VAV3: variants seen among roughly 807,000 people sequenced by gnomAD.
VAV3 encodes the protein vav guanine nucleotide exchange factor 3, also known as guanine nucleotide exchange factor VAV3.
Under a neutral mutation model 131.2 loss-of-function variants are expected in VAV3, and 94 were observed. The ratio of observed to expected loss-of-function variants is 0.72; its 90% CI spans 0.61 to 0.85. The LOEUF (loss-of-function observed/expected upper bound fraction) is 0.85. Among genes scored for constraint, VAV3 ranks in the 40% least tolerant of loss-of-function variants. The probability of loss-of-function intolerance (pLI) is 0.00; values close to 1 mark genes in which losing one functional copy is unlikely to be tolerated. For synonymous variants in VAV3, 349 were observed against 342.0 expected (o/e 1.02, Z -0.22); for missense variants, 939 against 1,002.7 (o/e 0.94, Z 0.86).
chr1:107,745,830 A>G (rs1486201967), intron 15 of VAV3, among the ~76,000 whole-genome samples: 1 of 152,122 alleles, frequency 6.6e-6, no homozygotes, highest in Non-Finnish European at 1.5e-5. Flanking sequence ...AGCTCCCTTG[A>G]TTTCCCTCCA....
At chr1:107,820,661 G>C (rs949956763) in intron 2 of VAV3, 2 of 152,104 alleles carry the variant, frequency 1.3e-5, no homozygotes, top group East Asian at 3.9e-4. Context: ...TGAGTCGACA[G>C]ATGCCCCATT....
At chr1:107,922,747 T>G (rs1672962613) in intron 1 of VAV3, among the ~76,000 whole-genome samples, 1 of 150,466 alleles carries the variant, frequency 6.6e-6, no homozygotes, top group South Asian at 2.1e-4. Context: ...GGTCAGGAGA[T>G]CGAGACCATC....
intron 2 of VAV3, among the ~76,000 whole-genome samples, chr1:107,857,071 A>G (rs894769330): frequency 6.6e-6 from 1 of 152,178 alleles, no homozygotes. Context: ...TGAAGGATGC[A>G]AAGTTTTCCT....
chr1:107,868,163 T>C (rs1670088966), intron 2 of VAV3, among the ~76,000 whole-genome samples: 3 of 152,120 alleles, frequency 2.0e-5, no homozygotes, highest in Non-Finnish European at 2.9e-5. Context: ...CTGATTTAAG[T>C]CCCATGGATG....
rs1432016952 is a variant in VAV3 at position 107,728,588 on chromosome 1, T to TGTATACGTATACGTATACGTATAC, written c.1502+20379_1502+20380insGTATACGTATACGTATACGTATAC. Among the ~76,000 whole-genome samples the TGTATACGTATACGTATACGTATAC allele has an allele frequency of 4.5e-3, 523 of 115,826 alleles. 6 individuals are homozygous for TGTATACGTATACGTATACGTATAC. Among genetic ancestry groups the TGTATACGTATACGTATACGTATAC allele is most frequent in the East Asian group, 0.02 (80 of 4,080 alleles). 76.0% of individuals were successfully genotyped at this position (115,826 alleles called of 152,430 possible). On this transcript the variant is annotated intron_variant, in intron 15 of 26. Transcript: ENST00000370056. ...AAAAATCTTCATGAGGACAGTCATATGTATACGTATACGTATATGTATATG... is the reference window on the plus strand; with the variant it reads ...AAAAATCTTCATGAGGACAGTCATATGTATACGTATACGTATACGTATACGTATACGTATACGTATATGTATATG...
At chr1:107,662,690 T>C (rs1328240878) in intron 19 of VAV3, among the ~76,000 whole-genome samples, 1 of 152,186 alleles carries the variant, frequency 6.6e-6, no homozygotes, top group Admixed American at 6.5e-5. Flanking sequence ...ACTAACCAAA[T>C]GAAAGCTCTG....
chr1:107,900,321 T>C (rs1201371681), intron 1 of VAV3, among the ~76,000 whole-genome samples: 2 of 152,196 alleles, frequency 1.3e-5, no homozygotes, highest in African/African-American at 2.4e-5. Flanking sequence ...GTTACCTTTA[T>C]GCACCCCTTA....
intron 1 of VAV3, among the ~76,000 whole-genome samples, chr1:107,905,623 G>A (rs1672068808): frequency 6.6e-6 from 1 of 152,062 alleles, no homozygotes; most frequent in African/African-American, 2.4e-5. Flanking sequence ...ACAAAGACAT[G>A]GGAAATACTT....
chr1:107,820,694 C>T (rs1667761486), intron 2 of VAV3: 1 of 151,982 alleles, frequency 6.6e-6, no homozygotes, highest in South Asian at 2.1e-4. Context: ...ATTATTAAGC[C>T]TTATAGGTCT....
intron 2 of VAV3, among the ~76,000 whole-genome samples, chr1:107,798,932 C>A (rs1666695170): frequency 6.6e-6 from 1 of 151,748 alleles, no homozygotes; most frequent in Non-Finnish European, 1.5e-5. Flanking sequence ...GTACAACAAG[C>A]AGAAATGATT....
At chr1:107,591,209 C>T (rs1650925182) in intron 25 of VAV3, among the ~76,000 whole-genome samples, 1 of 152,134 alleles carries the variant, frequency 6.6e-6, no homozygotes, top group Non-Finnish European at 1.5e-5. Context: ...TTCTCTGACC[C>T]TGAAGGCTAA....
chr1:107,740,818 T>G (rs1227886308), intron 15 of VAV3, among the ~76,000 whole-genome samples: 1 of 152,234 alleles, frequency 6.6e-6, no homozygotes, highest in South Asian at 2.1e-4. Context: ...TATGTGAATC[T>G]ATGGCTGCAT....
At chr1:107,595,080 A>G (rs2101065922) in intron 25 of VAV3, among the ~76,000 whole-genome samples, 1 of 152,284 alleles carries the variant, frequency 6.6e-6, no homozygotes, top group Non-Finnish European at 1.5e-5. Flanking sequence ...TGCCTATTTG[A>G]GAATCTAAAA....
chr1:107,767,424 G>A (rs1311821804), intron 7 of VAV3, among the ~76,000 whole-genome samples: 3 of 152,086 alleles, frequency 2.0e-5, no homozygotes, highest in Admixed American at 6.5e-5. Context: ...ATGAAGATGT[G>A]GGCTCTAAGT....
At chr1:107,894,012 A>C (rs1206956747) in intron 1 of VAV3, among the ~76,000 whole-genome samples, 2 of 152,316 alleles carry the variant, frequency 1.3e-5, no homozygotes, top group Non-Finnish European at 2.9e-5. Flanking sequence ...TGGCATGTGA[A>C]GGTAAGTAGC....
At chr1:107,871,799 C>A (rs1364044145) in intron 2 of VAV3, among the ~76,000 whole-genome samples, 2 of 152,058 alleles carry the variant, frequency 1.3e-5, no homozygotes, top group Non-Finnish European at 2.9e-5. Flanking sequence ...AGAGGGAGAG[C>A]TTGGACAAAG....
chr1:107,786,282 CT>C (rs756270221), intron 2 of VAV3, among the ~76,000 whole-genome samples: 13 of 152,040 alleles, frequency 8.6e-5, no homozygotes, highest in Non-Finnish European at 1.6e-4. Context: ...TTTTTTGAAT[CT>C]TCAAAAGTGA....
chr1:107,749,163 C>T (rs2102057349), intron 14 of VAV3, 86 bp from the exon 15 acceptor site: 2 of 1,011,776 alleles, frequency 2.0e-6, no homozygotes, highest in East Asian at 5.2e-5. Context: ...TATCCAAAAA[C>T]TCCTCACAAT....
intron 1 of VAV3, among the ~76,000 whole-genome samples, chr1:107,908,678 G>C (rs931195071): frequency 5.9e-5 from 9 of 152,022 alleles, no homozygotes; most frequent in Non-Finnish European, 1.2e-4. Flanking sequence ...TTCATTACTT[G>C]TTTTCCATGT....
Sources: gnomAD v4.1 joint callset for allele counts (sites outside exome capture counted in the v4.1 genomes callset) on GRCh38, gnomAD v4.1.1 for gene constraint, MANE v1.5 for transcripts, NCBI Gene and HGNC (gene_info 2026-07-23, HGNC 2026-07-21) for gene names.